Variants in SEC22A observed in about 807,000 individuals in gnomAD.
SEC22A encodes the protein SEC22 homolog A, vesicle trafficking protein.
A neutral mutation model predicts 35.3 loss-of-function variants in SEC22A; 22 were observed. The ratio of observed to expected loss-of-function variants is 0.62; its 90% CI spans 0.45 to 0.89. The LOEUF is 0.89. SEC22A is among the 40% of genes least tolerant of loss of function. The probability of loss-of-function intolerance (pLI) is 0.00; values close to 1 mark genes in which losing one functional copy is unlikely to be tolerated. For missense variants in SEC22A, 354 were observed against 362.5 expected, an observed-to-expected ratio of 0.98 and a Z score of 0.19; for synonymous variants, 119 against 129.5, an observed-to-expected ratio of 0.92 and a Z score of 0.55.
intron 1 of SEC22A, 193 bp from the exon 2 acceptor site, chr3:123,209,006 G>A (rs913418872): frequency 1.8e-5 from 8 of 445,184 alleles, no homozygotes; most frequent in African/African-American, 1.6e-4. Flanking sequence ...TGTTGGCCAG[G>A]CTGGTCTCAA....
intron 5 of SEC22A, among the ~76,000 whole-genome samples, chr3:123,247,090 T>C (rs1185630647): frequency 6.6e-6 from 1 of 152,218 alleles, no homozygotes; most frequent in Non-Finnish European, 1.5e-5. Context: ...TCGGCCTTTC[T>C]GTTTCCTGTC....
At chr3:123,228,314 C>G (rs1471216176) in intron 4 of SEC22A, among the ~76,000 whole-genome samples, 2 of 150,806 alleles carry the variant, frequency 1.3e-5, no homozygotes, top group African/African-American at 2.4e-5. Flanking sequence ...ACCTATAATC[C>G]CAGCATTTGG....
At position 123,259,442 on chromosome 3, in the gene SEC22A, T is replaced by C. The variant is rs991804325; in HGVS notation, c.658-82T>C. 1.8e-5 allele frequency: 17 copies of C among 936,400 alleles called. No homozygotes were observed. The South Asian group carries it at 2.4e-4, about 13-fold the overall frequency. The allele number at this position is 936,400 out of a possible 1,614,324, so 58.0% of individuals were successfully genotyped here. A position where few individuals can be genotyped will look rare whatever the true frequency, so the allele number is the denominator to read the frequency against. ...GACAATTTTGACTGTTTGTAAATAT[T>C]GTTACATCCTATCTTGATGGATTGT... On this transcript the variant is annotated intron_variant, in intron 5 of 6. Coordinates refer to ENST00000492595, the MANE Select transcript of SEC22A (RefSeq NM_012430.5).
intron 1 of SEC22A, among the ~76,000 whole-genome samples, chr3:123,204,556 A>G (rs1936814962): frequency 6.6e-6 from 1 of 152,190 alleles, no homozygotes; most frequent in African/African-American, 2.4e-5. Flanking sequence ...TTACCCCTAC[A>G]AGGTTCTGAA....
chr3:123,207,067 C>G (rs536920342), intron 1 of SEC22A, among the ~76,000 whole-genome samples: 13 of 152,178 alleles, frequency 8.5e-5, no homozygotes, highest in Non-Finnish European at 1.6e-4. Context: ...GTCTGGGTGA[C>G]ACAGTGAGAC....
chr3:123,214,037 A>T (rs946655080), intron 2 of SEC22A, among the ~76,000 whole-genome samples: 7 of 151,900 alleles, frequency 4.6e-5, no homozygotes, highest in Admixed American at 4.6e-4. Flanking sequence ...TAAAAAAAAT[A>T]AAAAATAAAA....
intron 6 of SEC22A, among the ~76,000 whole-genome samples, chr3:123,260,762 A>G (rs1009949441): frequency 2.6e-5 from 4 of 151,818 alleles, no homozygotes; most frequent in Admixed American, 6.6e-5. Context: ...GAATATATGT[A>G]TTTGACTTTT....
intron 2 of SEC22A, among the ~76,000 whole-genome samples, chr3:123,220,044 G>T (rs1331567370): frequency 6.6e-6 from 1 of 152,078 alleles, no homozygotes; most frequent in Non-Finnish European, 1.5e-5. Context: ...GTAAAATAAA[G>T]ACTCCCTGAA....
intron 3 of SEC22A, among the ~76,000 whole-genome samples, chr3:123,223,988 T>G (rs1397544092): frequency 6.6e-6 from 1 of 152,212 alleles, no homozygotes; most frequent in African/African-American, 2.4e-5. Flanking sequence ...AAGCCAGAGA[T>G]TCAGACTTTT....
intron 4 of SEC22A, among the ~76,000 whole-genome samples, chr3:123,228,320 T>G (rs1937250306): frequency 6.7e-6 from 1 of 150,032 alleles, no homozygotes; most frequent in Non-Finnish European, 1.5e-5. Context: ...AATCCCAGCA[T>G]TTGGGAGGCC....
intron 6 of SEC22A, among the ~76,000 whole-genome samples, chr3:123,265,144 A>G (rs554822354): frequency 3.3e-5 from 5 of 152,350 alleles, no homozygotes; most frequent in South Asian, 2.1e-4. Context: ...AGAATATAGT[A>G]TAACAGCATT....
At chr3:123,267,399 C>G (rs113065864) in intron 6 of SEC22A, among the ~76,000 whole-genome samples, 1 of 151,204 alleles carries the variant, frequency 6.6e-6, no homozygotes, top group African/African-American at 2.4e-5. Flanking sequence ...TAAATGATTG[C>G]TGTAGGCATC....
At chr3:123,263,259 A>C (rs1937933729) in intron 6 of SEC22A, among the ~76,000 whole-genome samples, 1 of 152,206 alleles carries the variant, frequency 6.6e-6, no homozygotes, top group Non-Finnish European at 1.5e-5. Context: ...TGGAATCTGG[A>C]AGTCCAGATG....
chr3:123,257,934 G>A (rs1386681853), intron 5 of SEC22A, among the ~76,000 whole-genome samples: 1 of 148,266 alleles, frequency 6.7e-6, no homozygotes, highest in Non-Finnish European at 1.5e-5. Context: ...GGAGGTTGCA[G>A]TGAGCCAAGA....
rs563341393 is a variant in SEC22A at position 123,220,867 on chromosome 3, C to CATATATATATAT, written c.183-2690_183-2679dup. On this transcript the variant is annotated intron_variant, in intron 2 of 6. Coordinates refer to ENST00000492595, the MANE Select transcript of SEC22A (RefSeq NM_012430.5). ...CTAGGATGGTCTTTAAAAAAGGTCT[C>CATATATATATAT]ATATATATATATACATATATATATA... is the stretch of plus-strand genomic sequence containing the variant. Among the ~76,000 whole-genome samples the CATATATATATAT allele has an allele frequency of 1.7e-3, 166 of 97,532 alleles. 7 individuals are homozygous for CATATATATATAT. The highest frequency in any genetic ancestry group is 0.015 in the Middle Eastern group (3 of 196). The allele number at this position is 97,532 out of a possible 152,430, so 64.0% of individuals were successfully genotyped here. A position where few individuals can be genotyped will look rare whatever the true frequency, so the allele number is the denominator to read the frequency against.
chr3:123,238,454 C>T (rs1376367531), intron 4 of SEC22A, among the ~76,000 whole-genome samples: 1 of 152,152 alleles, frequency 6.6e-6, no homozygotes, highest in Admixed American at 6.5e-5. Context: ...CTTTGGCCTC[C>T]CAAAGTGCTG....
chr3:123,227,239 CCTTA>C (rs1937231916), intron 4 of SEC22A, among the ~76,000 whole-genome samples: 1 of 151,784 alleles, frequency 6.6e-6, no homozygotes, highest in Non-Finnish European at 1.5e-5. Context: ...AAAAAAACTT[CCTTA>C]TATAATTGAG....
intron 4 of SEC22A, among the ~76,000 whole-genome samples, chr3:123,241,002 T>TACACAC (rs35775511): frequency 0.15 from 21,954 of 142,494 alleles, 1,915 homozygotes; most frequent in African/African-American, 0.23. Flanking sequence ...CTCTCTTTCT[T>TACACAC]ACACACACAC....
At chr3:123,251,019 T>C (rs1438175909) in intron 5 of SEC22A, among the ~76,000 whole-genome samples, 1 of 152,192 alleles carries the variant, frequency 6.6e-6, no homozygotes, top group African/African-American at 2.4e-5. Context: ...ACCTGTTATG[T>C]AAGCAGAAAG....
Sources: allele counts gnomAD v4.1 joint callset (sites outside exome capture counted in the v4.1 genomes callset), GRCh38; gene constraint gnomAD v4.1.1; transcripts MANE v1.5; gene names NCBI Gene and HGNC (gene_info 2026-07-23, HGNC 2026-07-21).